Variants in TTN observed in about 807,000 individuals in gnomAD.
TTN encodes the protein titin, also known as connectin.
Under a neutral mutation model 3,223.0 loss-of-function variants are expected in TTN, and 1,525 were observed. The observed-to-expected ratio is 0.47, with a 90% CI of 0.45 to 0.49. TTN has a LOEUF of 0.49. Ranked by LOEUF, TTN falls within the 20% of genes least tolerant of loss-of-function variation. The pLI is 0.00. For missense variants in TTN, 40,786 were observed against 43,424.0 expected (o/e 0.94, Z 5.40); for synonymous variants, 14,094 against 15,161.0 (o/e 0.93, Z 5.17).
At chr2:178,758,896 A>G (rs940084150) in intron 44 of TTN, 88 bp downstream of exon 44, 6 of 1,325,136 alleles carry the variant, frequency 4.5e-6, no homozygotes, top group Non-Finnish European at 6.5e-6. Context: ...AACAACAATG[A>G]TTTACATGAA....
intron 312 of TTN, 180 bp from the exon 313 acceptor site, chr2:178,583,407 A>G (rs2048224247): frequency 4.8e-6 from 4 of 831,620 alleles, no homozygotes; most frequent in South Asian, 2.8e-5. Context: ...TTGAAATTAT[A>G]TAGTTGCCAC....
At chr2:178,716,882 G>A (rs76828063) in intron 88 of TTN, among the ~76,000 whole-genome samples, 7 of 151,942 alleles carry the variant, frequency 4.6e-5, no homozygotes, top group South Asian at 2.1e-4. Context: ...TCTTAAAATG[G>A]ACTTTTGGTC....
chr2:178,597,966 A>C lies in TTN; in HGVS notation c.57204T>G (p.Ile19068Met). Residue 19068 changes from isoleucine to methionine, a missense_variant, in exon 293 of 363, where the codon ATT (isoleucine) becomes ATG (methionine). Ile to Met is a conservative substitution (Grantham distance 10, BLOSUM62 1). Transcript: ENST00000589042. Reference sequence around the variant, plus strand: ...CCTCTCCAGGTTCTCCAATGCCAGCAATGTTGACTGCTCTAACTCTAAATT... The same window carrying C: ...CCTCTCCAGGTTCTCCAATGCCAGCCATGTTGACTGCTCTAACTCTAAATT... ...FYKFRVRAVN[I>M]AGIGEPGEVT... The C allele has an allele frequency of 6.2e-7, 1 of 1,613,438 alleles. No homozygotes were observed. Among genetic ancestry groups the C allele is most frequent in the Non-Finnish European group, 8.5e-7 (1 of 1,179,592 alleles).
intron 240 of TTN, among the ~76,000 whole-genome samples, chr2:178,626,858 G>A (rs2059129145): frequency 6.6e-6 from 1 of 151,736 alleles, no homozygotes; most frequent in African/African-American, 2.4e-5. Flanking sequence ...TTAATATTAT[G>A]TTGCTTTATC....
At position 178,534,379 on chromosome 2, in the gene TTN, C is replaced by T. The variant is rs755581166; in HGVS notation, c.102236G>A (p.Arg34079Lys). 1.9e-6 allele frequency: 3 copies of T among 1,610,686 alleles called. No individual in the cohort carries two copies. Among genetic ancestry groups the T allele is most frequent in the Non-Finnish European group, 2.5e-6 (3 of 1,179,800 alleles). ...TGTTCTGATAACTTTAGTACTGACTCTTTCTATCTTCTGCTTCAACCATGG... is the reference window on the plus strand; with the variant it reads ...TGTTCTGATAACTTTAGTACTGACTTTTTCTATCTTCTGCTTCAACCATGG... ...QHPWLKQKIERVSTKVIRTLK... is the reference protein window; with the variant it reads ...QHPWLKQKIEKVSTKVIRTLK... Residue 34079 changes from arginine to lysine, a missense_variant, in exon 358 of 363, where the codon AGA (arginine) becomes AAA (lysine). By Grantham distance (26) the Arg-to-Lys change is conservative. Transcript: ENST00000589042.
chr2:178,774,180 C>A (rs2091926767), intron 30 of TTN, 27 bp downstream of exon 30: 3 of 1,614,110 alleles, frequency 1.9e-6, no homozygotes, highest in Admixed American at 1.7e-5. Flanking sequence ...ATGCTCACTG[C>A]AGGCTGACAG....
rs765149703 is a variant in TTN, at chr2:178,535,371, G to A, written c.101244C>T (p.Thr33748=). The A allele has an allele frequency of 4.3e-6, 7 of 1,613,726 alleles. No homozygotes were observed. Among genetic ancestry groups the A allele is most frequent in the African/African-American group, 1.3e-5 (1 of 74,878 alleles). The change falls in exon 358 of 363, where the codon ACC becomes ACT. Residue 33748 remains threonine (T), a synonymous_variant. Coordinates refer to ENST00000589042, the MANE Select transcript of TTN (RefSeq NM_001267550.2). ...TTGTTTTTCCAAATAAGTTGATCAC[G>A]GTATAACGTGTTTCTCGGGCCTGTC... is the stretch of plus-strand genomic sequence containing the variant. ...RVGQARETRY[T]VINLFGKTSY...
rs2052069695 is a variant in TTN, at chr2:178,597,641, G to A, written c.57441C>T (p.Ser19147=). 2.5e-6 allele frequency: 4 copies of A among 1,613,268 alleles called. No homozygotes were observed. The highest frequency in any genetic ancestry group is 2.5e-6 in the Non-Finnish European group (3 of 1,179,522). ...TCCTCTGGCAGTTCTTGATGACCAT[G>A]GATGAGCTAATGGCTGTGGTCTCAA... ...ATIETTAISS[S]MVIKNCQRSH... is the part of the protein sequence containing the mutation. Residue 19147 remains serine, a synonymous_variant, in exon 294 of 363, where the codon TCC becomes TCT. Transcript: ENST00000589042.
At position 178,634,648 on chromosome 2, in the gene TTN, G is replaced by T. The variant is rs770496883; in HGVS notation, c.42152-19C>A. ...TCGATTTCTGAAAATCAGACATTAA[G>T]AATGAGGCTTTTCAGAATGCACAGG... On this transcript the variant is annotated intron_variant, in intron 229 of 362. Transcript: ENST00000589042. This position sits in a 1 kb window ranked among gnomAD's most constrained non-coding sequence, Gnocchi z 4.6. 1 of 1,612,506 alleles carries T rather than the reference G, an allele frequency of 6.2e-7. No homozygotes were observed. Among genetic ancestry groups the T allele is most frequent in the South Asian group, 1.1e-5 (1 of 90,840 alleles).
rs376574861 is a variant in TTN, at chr2:178,577,772, G to A, written c.68654C>T (p.Ser22885Leu). 9.9e-6 allele frequency: 16 copies of A among 1,613,116 alleles called. No homozygotes were observed. Among genetic ancestry groups the A allele is most frequent in the South Asian group, 9.9e-5 (9 of 91,042 alleles). Residue 22885 changes from serine (S) to leucine (L), a missense_variant, in exon 323 of 363, where the codon TCG (serine) becomes TTG (leucine). Physicochemically the swap from Ser to Leu is moderately radical, Grantham distance 145. Transcript: ENST00000589042. ...GYIVEKRDLP[S>L]KSWMKANHVN... Reference sequence around the variant, plus strand: ...ATGGTTGGCTTTCATCCAAGACTTCGAAGGTAGATCTCGCTTCTCCACTAT... The same window carrying A: ...ATGGTTGGCTTTCATCCAAGACTTCAAAGGTAGATCTCGCTTCTCCACTAT...
At chr2:178,708,140 A>G (rs1432033882) in intron 99 of TTN, among the ~76,000 whole-genome samples, 1 of 152,184 alleles carries the variant, frequency 6.6e-6, no homozygotes, top group Non-Finnish European at 1.5e-5. Context: ...TAATTCTCTC[A>G]AACCTGTGTA....
chr2:178,539,024 G>T lies in TTN; in HGVS notation c.98911C>A (p.Arg32971Ser). The change falls in exon 353 of 363, where the codon CGC becomes AGC. Residue 32971 changes from arginine to serine, a missense_variant. Physicochemically the swap from Arg to Ser is moderately radical, Grantham distance 110. Coordinates refer to ENST00000589042, the MANE Select transcript of TTN (RefSeq NM_001267550.2). ...GLVPDAEYQF[R>S]IIAQNDVGLS... ...CCAACATCATTCTGTGCGATGATGC[G>T]GAACTGATACTCAGCATCGGGAACA... 6.2e-7 allele frequency: 1 copy of T among 1,613,732 alleles called. No individual in the cohort carries two copies. The highest frequency in any genetic ancestry group is 8.5e-7 in the Non-Finnish European group (1 of 1,179,728).
In TTN at chr2:178,581,719, G is replaced by A. The variant is rs374667295; in HGVS notation, c.66549C>T (p.Asp22183=). 67 of 1,610,072 alleles carry A rather than the reference G, an allele frequency of 4.2e-5. No individual in the cohort carries two copies. The highest frequency in any genetic ancestry group is 3.5e-4 in the African/African-American group (26 of 74,946). The change falls in exon 316 of 363, where the codon GAC becomes GAT. Residue 22183 remains aspartate, a synonymous_variant. Transcript: ENST00000589042. ...VSLSWGKPAY[D]GGSPIIGYLV... ...GATAACCAATGATAGGGCTGCCGCCGTCATAGGCTGGCTTGCCCCAAGATA... is the reference window on the plus strand; with the variant it reads ...GATAACCAATGATAGGGCTGCCGCCATCATAGGCTGGCTTGCCCCAAGATA...
chr2:178,728,495 C>A lies in TTN; in HGVS notation c.19426+5G>T. The stretch of plus-strand genomic sequence containing the variant: ...AGGGAAGCTGACTGGGGTGAAGATA[C>A]AAACCTAGCACTCTTAAGTAGGCAT... On this transcript the variant is annotated splice_donor_5th_base_variant and intron_variant, in intron 66 of 362. Coordinates refer to ENST00000589042, the MANE Select transcript of TTN (RefSeq NM_001267550.2). The A allele has an allele frequency of 1.2e-6, 2 of 1,600,606 alleles. No individual in the cohort carries two copies. Among genetic ancestry groups the A allele is most frequent in the East Asian group, 2.2e-5 (1 of 44,484 alleles).
Position 178,573,193 on chromosome 2 carries a change from T to C in TTN, c.72939A>G (p.Pro24313=), listed in dbSNP as rs1359501384. Residue 24313 remains proline, a synonymous_variant, in exon 326 of 363, where the codon CCA becomes CCG. Coordinates refer to ENST00000589042, the MANE Select transcript of TTN (RefSeq NM_001267550.2). ...AGISAPSPTS[P]FYKACDTVFK... is the part of the protein sequence containing the mutation. ...ACACAGTGTCACAAGCCTTGTAAAA[T>C]GGACTGGTAGGACTTGGTGCACTAA... 1 of 1,609,894 alleles carries C rather than the reference T, an allele frequency of 6.2e-7. No individual in the cohort carries two copies. Among genetic ancestry groups the C allele is most frequent in the Non-Finnish European group, 8.5e-7 (1 of 1,177,444 alleles).
In TTN at chr2:178,731,517, T is replaced by G; in HGVS notation, c.17249A>C (p.Gln5750Pro). 1 of 1,613,420 alleles carries G rather than the reference T, an allele frequency of 6.2e-7. No individual in the cohort carries two copies. Among genetic ancestry groups the G allele is most frequent in the African/African-American group, 1.3e-5 (1 of 75,036 alleles). ...TGGCAAGGAGCCCTTCAGAGTGGCC[T>G]GGAAGGCAGCTGTGCCTCCCCGGAG... is the stretch of plus-strand genomic sequence containing the variant. ...SSLRGGTAAF[Q>P]ATLKGSLPIT... Residue 5750 changes from glutamine (Q) to proline (P), a missense_variant, in exon 59 of 363, where the codon CAG becomes CCG. Coordinates refer to ENST00000589042, the MANE Select transcript of TTN (RefSeq NM_001267550.2).
rs764700146 is a variant in TTN at position 178,784,835 on chromosome 2, G to C, written c.2494-484C>G. 2.0e-5 allele frequency among the ~76,000 whole-genome samples: 3 copies of C among 152,126 alleles called. No homozygotes were observed. In the South Asian group the frequency reaches 6.2e-4, roughly 31 times the overall value. Reference sequence around the variant, plus strand: ...GACATTCAGAAAAAATATTTTAAAGGTTTCCTTACTGCTTTTATTCTGTTG... The same window carrying C: ...GACATTCAGAAAAAATATTTTAAAGCTTTCCTTACTGCTTTTATTCTGTTG... On this transcript the variant is annotated intron_variant, in intron 15 of 362. Coordinates refer to ENST00000589042, the MANE Select transcript of TTN (RefSeq NM_001267550.2).
chr2:178,685,048 G>T, intron 129 of TTN, 59 bp from the exon 130 acceptor site: 2 of 1,386,204 alleles, frequency 1.4e-6, no homozygotes, highest in Non-Finnish European at 2.0e-6. Flanking sequence ...TGACACAGTT[G>T]TGGGGCTTAG....
Position 178,675,984 on chromosome 2 carries a change from T to C in TTN, c.34390A>G (p.Lys11464Glu). ...ACTTTCTTCTCTGTCACTTTCTTCT[T>C]AATTTCAGGCACTTTAAAGACATCA... ...PPPPPKVPEI[K>E]KKVTEKKVVI... The change falls in exon 148 of 363, where the codon AAG becomes GAG. Residue 11464 changes from lysine to glutamate, a missense_variant. By Grantham distance (56) the Lys-to-Glu change is moderately conservative. Coordinates refer to ENST00000589042, the MANE Select transcript of TTN (RefSeq NM_001267550.2). 1 of 1,601,428 alleles carries C rather than the reference T, an allele frequency of 6.2e-7. No individual in the cohort carries two copies. Among genetic ancestry groups the C allele is most frequent in the Non-Finnish European group, 8.5e-7 (1 of 1,172,932 alleles).
Sources: gnomAD v4.1 joint callset for allele counts (sites outside exome capture counted in the v4.1 genomes callset) on GRCh38, gnomAD v4.1.1 for gene constraint, Gnocchi (gnomAD v3.1) non-coding constraint, MANE v1.5 for transcripts, NCBI Gene and HGNC (gene_info 2026-07-23, HGNC 2026-07-21) for gene names.